Variants in NALF1 observed in about 807,000 individuals in gnomAD.
The protein encoded by NALF1 is NALCN channel auxiliary factor 1.
Under a neutral mutation model 48.4 loss-of-function variants are expected in NALF1, and 3 were observed. The ratio of observed to expected loss-of-function variants is 0.06; its 90% confidence interval spans 0.03 to 0.16. The LOEUF (loss-of-function observed/expected upper bound fraction) is 0.16. Among genes scored for constraint, NALF1 ranks in the 10% least tolerant of loss-of-function variants. NALF1 has a pLI of 1.00. For missense variants in NALF1, 526 were observed against 571.5 expected (o/e 0.92, Z 0.81); for synonymous variants, 262 against 245.7 (o/e 1.07, Z -0.62).
At chr13:107,469,475 C>T (rs1335580394) in intron 1 of NALF1, among the ~76,000 whole-genome samples, 2 of 152,116 alleles carry the variant, frequency 1.3e-5, no homozygotes, top group Non-Finnish European at 2.9e-5. Context: ...GATTCCAGAG[C>T]CTCCCTTGGT....
At chr13:107,221,378 G>C (rs1019867998) in intron 1 of NALF1, among the ~76,000 whole-genome samples, 1 of 152,162 alleles carries the variant, frequency 6.6e-6, no homozygotes, top group Admixed American at 6.5e-5. Context: ...AGGAGTTCAA[G>C]ACCAGCCTGG....
At chr13:107,244,439 T>G (rs916539820) in intron 1 of NALF1, among the ~76,000 whole-genome samples, 1 of 152,240 alleles carries the variant, frequency 6.6e-6, no homozygotes, top group African/African-American at 2.4e-5. Context: ...GATTCATTTG[T>G]TTTCGTCTGA....
At chr13:107,245,295 A>C (rs1880558773) in intron 1 of NALF1, among the ~76,000 whole-genome samples, 1 of 152,192 alleles carries the variant, frequency 6.6e-6, no homozygotes, top group African/African-American at 2.4e-5. Flanking sequence ...AATTTGTCAA[A>C]ATTTTAAAAT....
chr13:107,452,901 C>T (rs1486872893), intron 1 of NALF1, among the ~76,000 whole-genome samples: 2 of 152,184 alleles, frequency 1.3e-5, no homozygotes, highest in African/African-American at 2.4e-5. Flanking sequence ...AAGCTACAGG[C>T]CCCATGCAAG....
chr13:107,789,914 C>T (rs968175846), intron 1 of NALF1, among the ~76,000 whole-genome samples: 1 of 152,134 alleles, frequency 6.6e-6, no homozygotes, highest in Non-Finnish European at 1.5e-5. Flanking sequence ...ATAAAAGAAA[C>T]TAAACTTTTG....
chr13:107,832,641 C>A (rs1194459601), intron 1 of NALF1, among the ~76,000 whole-genome samples: 3 of 152,160 alleles, frequency 2.0e-5, no homozygotes, highest in African/African-American at 4.8e-5. Context: ...CTTCGCAACT[C>A]CTCGTTCTTC....
intron 1 of NALF1, among the ~76,000 whole-genome samples, chr13:107,601,387 G>A (rs958366365): frequency 5.9e-5 from 9 of 152,160 alleles, no homozygotes; most frequent in African/African-American, 1.9e-4. Context: ...ACATTGGGCT[G>A]AGAGATGGAG....
intron 1 of NALF1, among the ~76,000 whole-genome samples, chr13:107,468,886 A>G (rs1885050783): frequency 6.6e-6 from 1 of 152,206 alleles, no homozygotes; most frequent in Non-Finnish European, 1.5e-5. Context: ...ACACAGCAAC[A>G]CAGGCATAAT....
intron 1 of NALF1, among the ~76,000 whole-genome samples, chr13:107,638,187 T>TATATATATACA (rs1880037753): frequency 6.8e-4 from 36 of 53,108 alleles, no homozygotes; most frequent in African/African-American, 1.6e-3. Context: ...ATATAAAGAT[T>TATATATATACA]TATATATATA....
intron 1 of NALF1, among the ~76,000 whole-genome samples, chr13:107,592,034 A>G (rs1383505622): frequency 6.6e-6 from 1 of 151,942 alleles, no homozygotes; most frequent in East Asian, 1.9e-4. Flanking sequence ...CTGCTATACT[A>G]TCATCTCATT....
intron 1 of NALF1, among the ~76,000 whole-genome samples, chr13:107,435,139 C>T (rs989866005): frequency 4.6e-5 from 7 of 151,972 alleles, no homozygotes; most frequent in Admixed American, 3.9e-4. Flanking sequence ...AATTTGGCCT[C>T]TATAAGAAAT....
At chr13:107,715,296 G>C (rs577715980) in intron 1 of NALF1, among the ~76,000 whole-genome samples, 5 of 151,628 alleles carry the variant, frequency 3.3e-5, no homozygotes, top group African/African-American at 1.2e-4. Flanking sequence ...TCCGCCTCCC[G>C]GGTTGAAAAG....
At chr13:107,620,822 A>C (rs9514710) in intron 1 of NALF1, among the ~76,000 whole-genome samples, 88,383 of 152,146 alleles carry the variant, frequency 0.58, 28,079 homozygotes, top group East Asian at 0.99. Context: ...GCAGTGAGGG[A>C]ATGAGGGAGG....
At chr13:107,573,803 G>A (rs754907509) in intron 1 of NALF1, among the ~76,000 whole-genome samples, 2 of 152,106 alleles carry the variant, frequency 1.3e-5, no homozygotes, top group Non-Finnish European at 2.9e-5. Flanking sequence ...TCCTCTGCAT[G>A]TGCTCTCTTG....
chr13:107,682,431 G>A (rs978054500), intron 1 of NALF1, among the ~76,000 whole-genome samples: 2 of 151,938 alleles, frequency 1.3e-5, no homozygotes, highest in Non-Finnish European at 1.5e-5. Flanking sequence ...CTTCCTCAGC[G>A]CCTAACACAG....
chr13:107,178,493 G>T (rs780722119), intron 2 of NALF1, among the ~76,000 whole-genome samples: 1 of 152,106 alleles, frequency 6.6e-6, no homozygotes, highest in Non-Finnish European at 1.5e-5. Flanking sequence ...GCAAATCAAA[G>T]CTACAATGAA....
chr13:107,271,010 C>A (rs982956965), intron 1 of NALF1, among the ~76,000 whole-genome samples: 4 of 152,038 alleles, frequency 2.6e-5, no homozygotes, highest in Non-Finnish European at 1.5e-5. Flanking sequence ...ATCAGCTATG[C>A]CAAATTTAAG....
At chr13:107,380,224 T>C (rs1883409134) in intron 1 of NALF1, among the ~76,000 whole-genome samples, 1 of 152,218 alleles carries the variant, frequency 6.6e-6, no homozygotes, top group Non-Finnish European at 1.5e-5. Context: ...TAAAAAGCAC[T>C]AGTATTTCTA....
chr13:107,706,915 A>ATTAT (rs1294681174), intron 1 of NALF1, among the ~76,000 whole-genome samples: 1 of 97,820 alleles, frequency 1.0e-5, no homozygotes, highest in Non-Finnish European at 2.0e-5. Flanking sequence ...AATCAAGGGC[A>ATTAT]TTCTTTTTTT....
Sources: gnomAD v4.1 joint callset for allele counts (sites outside exome capture counted in the v4.1 genomes callset) on GRCh38, gnomAD v4.1.1 for gene constraint, MANE v1.5 for transcripts, NCBI Gene and HGNC (gene_info 2026-07-23, HGNC 2026-07-21) for gene names.